Variants in IRS1 observed in about 807,000 individuals in gnomAD.
The protein encoded by IRS1 is insulin receptor substrate 1.
IRS1 carries 34 observed loss-of-function variants against 65.6 expected under a neutral mutation model. The observed-to-expected ratio is 0.52, with a 90% CI of 0.39 to 0.69. The LOEUF is 0.69. IRS1 is among the 30% of genes least tolerant of loss of function. The pLI is 0.00. For missense variants in IRS1, 1,641 were observed against 1,720.2 expected (o/e 0.95, Z 0.81); for synonymous variants, 699 against 683.5 (o/e 1.02, Z -0.35).
At chr2:226,774,606 T>G (rs368406487) in intron 1 of IRS1, among the ~76,000 whole-genome samples, 1 of 152,066 alleles carries the variant, frequency 6.6e-6, no homozygotes, top group East Asian at 1.9e-4. Context: ...ATAAGAATGA[T>G]GAGTAAAACC....
chr2:226,740,114 A>C (rs974828206), intron 1 of IRS1, among the ~76,000 whole-genome samples: 9 of 152,268 alleles, frequency 5.9e-5, no homozygotes, highest in Non-Finnish European at 8.8e-5. Context: ...CCTTAAGAGA[A>C]GACACTGCAA....
intron 1 of IRS1, among the ~76,000 whole-genome samples, chr2:226,738,990 C>T (rs556595014): frequency 7.7e-4 from 117 of 152,252 alleles, no homozygotes; most frequent in Non-Finnish European, 1.0e-3. Flanking sequence ...CCAACCTGCA[C>T]GGATGCATAA....
chr2:226,777,906 T>G (rs1441131799), intron 1 of IRS1, among the ~76,000 whole-genome samples: 3 of 152,162 alleles, frequency 2.0e-5, no homozygotes, highest in Admixed American at 6.5e-5. Context: ...CTGACCCTAT[T>G]ATTAAGTTTC....
chr2:226,755,788 G>A (rs1024212468), intron 1 of IRS1, among the ~76,000 whole-genome samples: 1 of 152,150 alleles, frequency 6.6e-6, no homozygotes, highest in Admixed American at 6.5e-5. Flanking sequence ...TTTAAAAACT[G>A]GGTGGCCCCA....
chr2:226,778,787 A>C (rs990479958), intron 1 of IRS1, among the ~76,000 whole-genome samples: 6 of 152,174 alleles, frequency 3.9e-5, no homozygotes, highest in Non-Finnish European at 7.3e-5. Context: ...ACATACTCCT[A>C]ACATCCTTCT....
chr2:226,750,117 T>C (rs28376161), intron 1 of IRS1, among the ~76,000 whole-genome samples: 12,548 of 151,870 alleles, frequency 0.083, 671 homozygotes, highest in East Asian at 0.18. Context: ...GGTGTGGTGG[T>C]ACATGCCTGT....
In IRS1 at chr2:226,795,376, C is replaced by T. The variant is rs780147733; in HGVS notation, c.3363G>A (p.Ala1121=). The part of the protein sequence containing the change: ...TRVGNTVPFG[A]GAAVGGGGGS... Reference sequence around the variant, plus strand: ...CGCCACCGCCCCCTACTGCTGCCCCCGCTCCAAAGGGCACTGTGTTGCCCA... The same window carrying T: ...CGCCACCGCCCCCTACTGCTGCCCCTGCTCCAAAGGGCACTGTGTTGCCCA... The change falls in exon 1 of 2, where the codon GCG becomes GCA. Residue 1121 remains alanine, a synonymous_variant. Coordinates refer to ENST00000305123, the MANE Select transcript of IRS1 (RefSeq NM_005544.3). The T allele has an allele frequency of 2.0e-5, 33 of 1,613,098 alleles. No individual in the cohort carries two copies. The highest frequency in any genetic ancestry group is 4.0e-5 in the African/African-American group (3 of 74,986).
intron 1 of IRS1, among the ~76,000 whole-genome samples, chr2:226,755,382 C>T (rs760910662): frequency 8.5e-5 from 13 of 152,156 alleles, no homozygotes; most frequent in African/African-American, 1.4e-4. Context: ...AAAACAATGA[C>T]GTTAACGTTA....
In IRS1 at chr2:226,797,650, G is replaced by A. The variant is rs1939768473; in HGVS notation, c.1089C>T (p.Ala363=). 3 of 1,592,538 alleles carry A rather than the reference G, an allele frequency of 1.9e-6. No homozygotes were observed. In the South Asian group the frequency reaches 3.4e-5, roughly 18 times the overall value. ...RTHAHRHRGS[A]RLHPPLNHSR... ...TGTGGTTGAGCGGGGGGTGCAGCCG[G>A]GCGCTGCCCCGATGCCGGTGGGCGT... The change falls in exon 1 of 2, where the codon GCC becomes GCT. Residue 363 remains alanine (A), a synonymous_variant. Transcript: ENST00000305123. This position sits in a 1 kb window ranked among gnomAD's most constrained non-coding sequence, Gnocchi z 8.1.
intron 1 of IRS1, among the ~76,000 whole-genome samples, chr2:226,742,882 G>T (rs1222082343): frequency 6.6e-6 from 1 of 152,122 alleles, no homozygotes; most frequent in East Asian, 1.9e-4. Flanking sequence ...GGAGAAGGCA[G>T]ACCAAAACAA....
At chr2:226,790,751 T>G (rs1939575385) in intron 1 of IRS1, among the ~76,000 whole-genome samples, 1 of 152,184 alleles carries the variant, frequency 6.6e-6, no homozygotes, top group Non-Finnish European at 1.5e-5. Context: ...CCATAGCACT[T>G]TTCTTTCTTA....
In IRS1 at chr2:226,732,503, CAT is replaced by C. The variant is rs1458635986; in HGVS notation, c.*3767_*3768del. ...ATATATATATATATACACACACACA[CAT>C]ATGTGTATCTATATATGTGTGTATA... On this transcript the variant is annotated 3_prime_UTR_variant, in exon 2 of 2. Coordinates refer to ENST00000305123, the MANE Select transcript of IRS1 (RefSeq NM_005544.3). 8.2e-5 allele frequency: 12 copies of C among 147,180 alleles called. No individual in the cohort carries two copies. The East Asian group carries it at 1.2e-3, about 15-fold the overall frequency. 9.1% of individuals were successfully genotyped at this position (147,180 alleles called of 1,614,324 possible). A position where few individuals can be genotyped will look rare whatever the true frequency, so the allele number is the denominator to read the frequency against.
chr2:226,742,192 G>T (rs926754535), intron 1 of IRS1, among the ~76,000 whole-genome samples: 4 of 152,188 alleles, frequency 2.6e-5, no homozygotes, highest in African/African-American at 7.2e-5. Flanking sequence ...GGAAGTATGG[G>T]GGCAAGCTGA....
chr2:226,744,611 G>A (rs751267837), intron 1 of IRS1, among the ~76,000 whole-genome samples: 1 of 152,204 alleles, frequency 6.6e-6, no homozygotes, highest in Non-Finnish European at 1.5e-5. Flanking sequence ...CAGATCAGCA[G>A]CGGCATTAGA....
chr2:226,789,878 T>C lies in IRS1; in HGVS notation c.*21+5111A>G, dbSNP rs534096866. On this transcript the variant is annotated intron_variant, in intron 1 of 1. Transcript: ENST00000305123. ...TCAGGAGGGTTTGTCTTAGGGTTTG[T>C]TAAAACTCGAAAATGCCCCCTTGAA... Among the ~76,000 whole-genome samples the C allele has an allele frequency of 6.6e-5, 10 of 152,286 alleles. No individual in the cohort carries two copies. In the South Asian group the frequency reaches 2.1e-3, roughly 32 times the overall value.
chr2:226,794,423 C>A lies in IRS1; in HGVS notation c.*21+566G>T, dbSNP rs905675989. Among the ~76,000 whole-genome samples, 1 of 152,206 alleles carries A rather than the reference C, an allele frequency of 6.6e-6. No individual in the cohort carries two copies. The highest frequency in any genetic ancestry group is 2.4e-5 in the African/African-American group (1 of 41,460). ...ACATATTTCTAAAAAGCTCTTACTC[C>A]TGATCTTTTTAGGGCAGGATGAATA... On this transcript the variant is annotated intron_variant, in intron 1 of 1. Coordinates refer to ENST00000305123, the MANE Select transcript of IRS1 (RefSeq NM_005544.3). The surrounding 1 kb of genome is among the most constrained non-coding windows in gnomAD (Gnocchi z 4.1).
At chr2:226,765,925 A>G (rs2106168949) in intron 1 of IRS1, among the ~76,000 whole-genome samples, 1 of 151,526 alleles carries the variant, frequency 6.6e-6, no homozygotes, top group South Asian at 2.1e-4. Context: ...TGTTTAACAA[A>G]GCATGTTTTA....
intron 1 of IRS1, among the ~76,000 whole-genome samples, chr2:226,764,913 G>T (rs969067980): frequency 2.0e-5 from 3 of 152,188 alleles, no homozygotes; most frequent in Non-Finnish European, 4.4e-5. Flanking sequence ...TTTAAGCGGT[G>T]GTTATAGAAA....
rs891382490 is a variant in IRS1, at chr2:226,795,542, G to A, written c.3197C>T (p.Pro1066Leu). Reference sequence around the variant, plus strand: ...CCGGGTGAAGGCGCTCATGCCCCCAGGTCCTTGTGGGCCCCCCAGCAGGGA... The same window carrying A: ...CCGGGTGAAGGCGCTCATGCCCCCAAGTCCTTGTGGGCCCCCCAGCAGGGA... ...HSSLLGGPQG[P>L]GGMSAFTRVN... Residue 1066 changes from proline (P) to leucine (L), a missense_variant, in exon 1 of 2, where the codon CCT becomes CTT. By Grantham distance (98) the Pro-to-Leu change is moderately conservative. Coordinates refer to ENST00000305123, the MANE Select transcript of IRS1 (RefSeq NM_005544.3). The A allele has an allele frequency of 7.4e-6, 12 of 1,613,114 alleles. No individual in the cohort carries two copies. The highest frequency in any genetic ancestry group is 1.0e-5 in the Non-Finnish European group (12 of 1,180,008).
Sources: allele counts gnomAD v4.1 joint callset (sites outside exome capture counted in the v4.1 genomes callset), GRCh38; gene constraint gnomAD v4.1.1; non-coding constraint Gnocchi (gnomAD v3.1); transcripts MANE v1.5; gene names NCBI Gene and HGNC (gene_info 2026-07-23, HGNC 2026-07-21).